The following CNTN5 variants were observed in gnomAD, a reference collection of about 807,000 sequenced individuals.
CNTN5 encodes contactin-5.
A neutral mutation model predicts 129.1 loss-of-function variants in CNTN5; 77 were observed. That is an observed-to-expected ratio of 0.60 (90% confidence interval 0.50 to 0.72). The LOEUF is 0.72. Ranked by LOEUF, CNTN5 falls within the 30% of genes least tolerant of loss-of-function variation. The pLI is 0.00. For synonymous variants in CNTN5, 509 were observed against 465.6 expected (o/e 1.09, Z -1.20); for missense variants, 1,478 against 1,328.8 (o/e 1.11, Z -1.75).
intron 1 of CNTN5, among the ~76,000 whole-genome samples, chr11:99,059,404 A>G (rs1171130655): frequency 6.6e-6 from 1 of 152,094 alleles, no homozygotes; most frequent in African/African-American, 2.4e-5. Flanking sequence ...CTAGTGGAAG[A>G]TGCTTCATTG....
At chr11:100,102,466 A>T (rs555343636) in intron 13 of CNTN5, among the ~76,000 whole-genome samples, 18 of 151,950 alleles carry the variant, frequency 1.2e-4, no homozygotes, top group African/African-American at 4.4e-4. Flanking sequence ...GAAGTATAAA[A>T]TATTTAAAAG....
chr11:100,295,078 A>C (rs1951074592), intron 18 of CNTN5, among the ~76,000 whole-genome samples: 1 of 151,566 alleles, frequency 6.6e-6, no homozygotes, highest in South Asian at 2.1e-4. Context: ...TTTTTTTAAA[A>C]TTTGAGTAGC....
chr11:100,353,375 G>T (rs1199894277), intron 24 of CNTN5, among the ~76,000 whole-genome samples: 1 of 151,552 alleles, frequency 6.6e-6, no homozygotes, highest in Non-Finnish European at 1.5e-5. Flanking sequence ...TTATAGCTGG[G>T]GCAAGAACTT....
At chr11:99,281,489 TCTCA>T (rs1025828428) in intron 1 of CNTN5, among the ~76,000 whole-genome samples, 3 of 151,986 alleles carry the variant, frequency 2.0e-5, no homozygotes, top group Admixed American at 6.6e-5. Flanking sequence ...CTCAGGTGGT[TCTCA>T]CTCACAGGTT....
intron 17 of CNTN5, among the ~76,000 whole-genome samples, chr11:100,258,400 A>T (rs549109988): frequency 7.2e-4 from 110 of 152,328 alleles, no homozygotes; most frequent in African/African-American, 1.9e-3. Flanking sequence ...CCAACCTAGG[A>T]AGACAGGCCA....
intron 3 of CNTN5, among the ~76,000 whole-genome samples, chr11:99,742,483 GT>G (rs1943917404): frequency 2.0e-5 from 3 of 152,162 alleles, no homozygotes; most frequent in Admixed American, 6.5e-5. Flanking sequence ...ACAGCTTTAA[GT>G]GGGATTGTGT....
intron 3 of CNTN5, among the ~76,000 whole-genome samples, chr11:99,792,849 C>G (rs1207303924): frequency 6.6e-6 from 1 of 152,036 alleles, no homozygotes; most frequent in Admixed American, 6.6e-5. Flanking sequence ...CTGATTCAGT[C>G]TTGGGTGGTT....
chr11:99,580,688 A>G (rs1949549243), intron 3 of CNTN5, among the ~76,000 whole-genome samples: 1 of 151,204 alleles, frequency 6.6e-6, no homozygotes, highest in Non-Finnish European at 1.5e-5. Flanking sequence ...CCCCTTTGTC[A>G]TTTTTTATTG....
At chr11:99,905,188 G>T (rs952295384) in intron 6 of CNTN5, among the ~76,000 whole-genome samples, 6 of 152,172 alleles carry the variant, frequency 3.9e-5, no homozygotes, top group Non-Finnish European at 8.8e-5. Context: ...CATTGCTTTT[G>T]GTGTTTTAGT....
intron 3 of CNTN5, among the ~76,000 whole-genome samples, chr11:99,792,667 C>A (rs889110021): frequency 1.3e-5 from 2 of 151,490 alleles, no homozygotes; most frequent in African/African-American, 2.4e-5. Flanking sequence ...TACAACTCAA[C>A]CTTTTGGAGT....
intron 3 of CNTN5, among the ~76,000 whole-genome samples, chr11:99,782,980 G>T (rs896077315): frequency 1.3e-5 from 2 of 151,500 alleles, no homozygotes; most frequent in African/African-American, 2.4e-5. Flanking sequence ...TGACAAATGG[G>T]ATCTAATTAA....
intron 2 of CNTN5, among the ~76,000 whole-genome samples, chr11:99,532,113 C>A (rs78538432): frequency 0.029 from 4,400 of 152,046 alleles, 91 homozygotes; most frequent in Middle Eastern, 0.1. Context: ...AGAAGGGAGG[C>A]TATACCCTGC....
chr11:100,038,365 G>C (rs138303845), intron 9 of CNTN5, among the ~76,000 whole-genome samples: 16,558 of 152,104 alleles, frequency 0.11, 1,066 homozygotes, highest in Middle Eastern at 0.27. Flanking sequence ...TTTTACATTT[G>C]CTGAGGAGTG....
intron 7 of CNTN5, among the ~76,000 whole-genome samples, chr11:99,956,519 T>C (rs1172060996): frequency 6.6e-6 from 1 of 151,370 alleles, no homozygotes; most frequent in Non-Finnish European, 1.5e-5. Context: ...CCTTTCTATT[T>C]TCAGTGTTAT....
chr11:99,347,875 A>C (rs1306938777), intron 2 of CNTN5, among the ~76,000 whole-genome samples: 1 of 152,212 alleles, frequency 6.6e-6, no homozygotes, highest in Non-Finnish European at 1.5e-5. Context: ...TGCTATTGAA[A>C]ATAAGTTTTG....
At chr11:100,027,067 C>A (rs551584830) in intron 9 of CNTN5, among the ~76,000 whole-genome samples, 1 of 151,504 alleles carries the variant, frequency 6.6e-6, no homozygotes, top group South Asian at 2.1e-4. Flanking sequence ...TAAGTATTTT[C>A]TCTAGGTTTT....
chr11:99,633,260 A>G (rs1951430025), intron 3 of CNTN5, among the ~76,000 whole-genome samples: 2 of 152,214 alleles, frequency 1.3e-5, no homozygotes, highest in Admixed American at 1.3e-4. Context: ...TGATGAGCAC[A>G]AAGTGTCCTA....
intron 3 of CNTN5, among the ~76,000 whole-genome samples, chr11:99,581,580 T>C (rs888876460): frequency 1.3e-5 from 2 of 152,104 alleles, no homozygotes; most frequent in African/African-American, 4.8e-5. Flanking sequence ...CCTTTACCGT[T>C]ATGTAATGGC....
intron 1 of CNTN5, among the ~76,000 whole-genome samples, chr11:99,320,446 G>T (rs943743435): frequency 6.6e-6 from 1 of 151,992 alleles, no homozygotes; most frequent in African/African-American, 2.4e-5. Flanking sequence ...AGGAATCCAA[G>T]GGAAAAAAGA....
Sources: allele counts gnomAD v4.1 joint callset (sites outside exome capture counted in the v4.1 genomes callset), GRCh38; gene constraint gnomAD v4.1.1; transcripts MANE v1.5; gene names NCBI Gene and HGNC (gene_info 2026-07-23, HGNC 2026-07-21).